Variants in SPINT2 observed in about 807,000 individuals in gnomAD.
SPINT2 encodes the protein kunitz-type protease inhibitor 2.
A neutral mutation model predicts 30.1 loss-of-function variants in SPINT2; 18 were observed. The observed-to-expected ratio is 0.60, with a 90% CI of 0.41 to 0.89. The LOEUF is 0.89. SPINT2 is among the 40% of genes least tolerant of loss of function. The probability of loss-of-function intolerance (pLI) is 0.00; values close to 1 mark genes in which losing one functional copy is unlikely to be tolerated. For synonymous variants in SPINT2, 139 were observed against 137.9 expected (o/e 1.01, Z -0.05); for missense variants, 276 against 334.3 (o/e 0.83, Z 1.36).
At chr19:38,285,380 C>A (rs150321093) in intron 2 of SPINT2, among the ~76,000 whole-genome samples, 361 of 152,194 alleles carry the variant, frequency 2.4e-3, no homozygotes, top group African/African-American at 6.9e-3. Context: ...CTCGCTTAGT[C>A]GCCTACCAGG....
intron 3 of SPINT2, 114 bp from the exon 4 acceptor site, chr19:38,289,023 AC>A (rs1476624841): frequency 1.5e-5 from 14 of 911,224 alleles, no homozygotes; most frequent in South Asian, 1.2e-4. Flanking sequence ...GGGGCTACAC[AC>A]CCCTTCTTAA....
At chr19:38,278,393 C>T (rs1968543521) in intron 1 of SPINT2, among the ~76,000 whole-genome samples, 1 of 152,216 alleles carries the variant, frequency 6.6e-6, no homozygotes, top group Non-Finnish European at 1.5e-5. Flanking sequence ...TGCTGGCTGC[C>T]TCACTTTAAC....
At chr19:38,266,786 G>A (rs1968384180) in intron 1 of SPINT2, among the ~76,000 whole-genome samples, 1 of 152,200 alleles carries the variant, frequency 6.6e-6, no homozygotes, top group East Asian at 1.9e-4. Context: ...GTGAATTGGT[G>A]GGGAGAGGCT....
intron 6 of SPINT2, 188 bp from the exon 7 acceptor site, chr19:38,291,651 GA>G: frequency 1.5e-6 from 1 of 665,086 alleles, no homozygotes. Flanking sequence ...TTTTTTGGGG[GA>G]CTCTCCTTGG....
chr19:38,277,834 A>G (rs562738690), intron 1 of SPINT2, among the ~76,000 whole-genome samples: 5 of 152,310 alleles, frequency 3.3e-5, no homozygotes, highest in African/African-American at 1.2e-4. Context: ...ACTCTTCCCT[A>G]AAGGCAGGAA....
chr19:38,290,676 G>A lies in SPINT2; in HGVS notation c.592+101G>A, dbSNP rs1343838455. ...TGTGGTTTACATTATCCTTCACTGT[G>A]AACATCATCTTGGCAGAAAGTCATG... On this transcript the variant is annotated intron_variant, in intron 6 of 6. Transcript: ENST00000301244. This position sits in a 1 kb window ranked among gnomAD's most constrained non-coding sequence, Gnocchi z 4.3. 1 of 1,429,402 alleles carries A rather than the reference G, an allele frequency of 7.0e-7. No homozygotes were observed. Among genetic ancestry groups the A allele is most frequent in the Non-Finnish European group, 9.6e-7 (1 of 1,039,046 alleles). The allele number at this position is 1,429,402 out of a possible 1,614,324, so 88.5% of individuals were successfully genotyped here.
At chr19:38,291,612 T>A in intron 6 of SPINT2, 1 of 564,580 alleles carries the variant, frequency 1.8e-6, no homozygotes, top group African/African-American at 1.9e-5. Flanking sequence ...ACGGCCACTC[T>A]GCTGGCACGC....
intron 1 of SPINT2, among the ~76,000 whole-genome samples, chr19:38,281,773 T>C (rs1256832185): frequency 6.6e-6 from 1 of 152,106 alleles, no homozygotes; most frequent in Non-Finnish European, 1.5e-5. Context: ...TTTTAGCACC[T>C]TCTACAGAGC....
chr19:38,289,959 A>G, intron 4 of SPINT2, 160 bp from the exon 5 acceptor site: 1 of 793,602 alleles, frequency 1.3e-6, no homozygotes, highest in East Asian at 2.6e-5. Context: ...GCAGCGCGTC[A>G]GAGCCGCTGC....
chr19:38,287,998 C>A, intron 3 of SPINT2, 63 bp downstream of exon 3: 1 of 1,565,992 alleles, frequency 6.4e-7, no homozygotes, highest in Non-Finnish European at 8.8e-7. Flanking sequence ...TGAAAGGACA[C>A]TTGTCATTTG....
chr19:38,269,768 C>T (rs1238094174), intron 1 of SPINT2, among the ~76,000 whole-genome samples: 1 of 151,852 alleles, frequency 6.6e-6, no homozygotes, highest in East Asian at 1.9e-4. Context: ...TGCCGCCACG[C>T]CCGGCTAATT....
intron 1 of SPINT2, among the ~76,000 whole-genome samples, chr19:38,279,631 T>G (rs973771948): frequency 1.2e-4 from 18 of 152,222 alleles, no homozygotes; most frequent in African/African-American, 4.1e-4. Context: ...CCAAGTTTTC[T>G]CTTAATAAAG....
chr19:38,281,720 A>C (rs1968583539), intron 1 of SPINT2, among the ~76,000 whole-genome samples: 1 of 152,110 alleles, frequency 6.6e-6, no homozygotes, highest in Non-Finnish European at 1.5e-5. Flanking sequence ...AAAAAAAAAA[A>C]AATTATCATA....
chr19:38,291,228 G>T, intron 6 of SPINT2: 1 of 165,546 alleles, frequency 6.0e-6, no homozygotes, highest in Admixed American at 5.6e-5. Context: ...CAGCCACATG[G>T]GGGAGGCTGC....
At chr19:38,282,043 T>A (rs1968586761) in intron 1 of SPINT2, among the ~76,000 whole-genome samples, 1 of 152,244 alleles carries the variant, frequency 6.6e-6, no homozygotes, top group Non-Finnish European at 1.5e-5. Context: ...AGATGCTTTT[T>A]CTGCTGTGCT....
At chr19:38,283,480 A>G (rs1301317169) in intron 1 of SPINT2, 147 bp from the exon 2 acceptor site, 16 of 957,294 alleles carry the variant, frequency 1.7e-5, no homozygotes, top group Non-Finnish European at 2.4e-5. Flanking sequence ...GGGCCTGTTG[A>G]CGATCTGGGC....
Position 38,264,868 on chromosome 19 carries a change from C to T in SPINT2, c.-25C>T. The T allele has an allele frequency of 6.5e-7, 1 of 1,531,526 alleles. No individual in the cohort carries two copies. Among genetic ancestry groups the T allele is most frequent in the South Asian group, 1.2e-5 (1 of 83,768 alleles). The allele number at this position is 1,531,526 out of a possible 1,614,324, so 94.9% of individuals were successfully genotyped here. On this transcript the variant is annotated 5_prime_UTR_variant, in exon 1 of 7. Coordinates refer to ENST00000301244, the MANE Select transcript of SPINT2 (RefSeq NM_021102.4). The stretch of plus-strand genomic sequence containing the variant: ...GAGACCCCAACGGCTGGTGGCGTCG[C>T]CTGCGCGTCTCGGCTGAGCTGGCCA...
intron 1 of SPINT2, among the ~76,000 whole-genome samples, chr19:38,268,742 A>T (rs926284866): frequency 3.4e-5 from 5 of 146,262 alleles, no homozygotes; most frequent in Non-Finnish European, 7.5e-5. Flanking sequence ...ACAGTGTGAG[A>T]CAGAGAGAGA....
At chr19:38,288,246 C>T (rs1968666771) in intron 3 of SPINT2, among the ~76,000 whole-genome samples, 1 of 152,092 alleles carries the variant, frequency 6.6e-6, no homozygotes, top group African/African-American at 2.4e-5. Flanking sequence ...CTGTGCGGGC[C>T]TCCAGCTGCT....
Sources: gnomAD v4.1 joint callset for allele counts (sites outside exome capture counted in the v4.1 genomes callset) on GRCh38, gnomAD v4.1.1 for gene constraint, Gnocchi (gnomAD v3.1) non-coding constraint, MANE v1.5 for transcripts, NCBI Gene and HGNC (gene_info 2026-07-23, HGNC 2026-07-21) for gene names.